The following XPNPEP3 variants were observed in gnomAD, a reference collection of about 807,000 sequenced individuals.
The protein encoded by XPNPEP3 is X-prolyl aminopeptidase 3.
XPNPEP3 carries 41 observed loss-of-function variants against 60.0 expected under a neutral mutation model. The ratio of observed to expected loss-of-function variants is 0.68; its 90% CI spans 0.53 to 0.89. The LOEUF is 0.89. Among genes scored for constraint, XPNPEP3 ranks in the 40% least tolerant of loss-of-function variants. The pLI is 0.00. For missense variants in XPNPEP3, 598 were observed against 638.9 expected (o/e 0.94, Z 0.69); for synonymous variants, 212 against 223.2 (o/e 0.95, Z 0.45).
Position 40,863,791 on chromosome 22 carries a change from C to T in XPNPEP3, c.65-5208C>T, listed in dbSNP as rs550415489. 5.0e-4 allele frequency among the ~76,000 whole-genome samples: 76 copies of T among 152,310 alleles called. 1 individual carries two copies. In the South Asian group the frequency reaches 0.015, roughly 30 times the overall value. On this transcript the variant is annotated intron_variant, in intron 1 of 9. Coordinates refer to ENST00000357137, the MANE Select transcript of XPNPEP3 (RefSeq NM_022098.4). ...TATTTTATGCCCATAAGAAAACAGA[C>T]GTTCTGAGAGAGAAAGTAATTTGTC...
chr22:40,915,624 A>G (rs1281739875), intron 7 of XPNPEP3, among the ~76,000 whole-genome samples: 1 of 152,140 alleles, frequency 6.6e-6, no homozygotes, highest in Non-Finnish European at 1.5e-5. Context: ...ACATTGCCCA[A>G]TGCACATAGC....
At chr22:40,858,304 G>T (rs1009351914) in intron 1 of XPNPEP3, among the ~76,000 whole-genome samples, 4 of 139,050 alleles carry the variant, frequency 2.9e-5, no homozygotes, top group African/African-American at 1.3e-4. Flanking sequence ...ACCAGGTTTT[G>T]CCACGTTGGC....
chr22:40,875,850 TAAA>T (rs768463487), intron 2 of XPNPEP3, among the ~76,000 whole-genome samples: 9 of 119,486 alleles, frequency 7.5e-5, no homozygotes, highest in Admixed American at 2.6e-4. Flanking sequence ...CCACCTCTAC[TAAA>T]AAAAAAAAAA....
intron 1 of XPNPEP3, among the ~76,000 whole-genome samples, chr22:40,865,876 C>T (rs1256249488): frequency 6.6e-6 from 1 of 152,172 alleles, no homozygotes; most frequent in Non-Finnish European, 1.5e-5. Context: ...TTCTCCTGTG[C>T]TCTTTCTCAC....
intron 1 of XPNPEP3, chr22:40,861,417 A>G (rs1159945555): frequency 6.2e-7 from 1 of 1,613,668 alleles, no homozygotes; most frequent in Non-Finnish European, 8.5e-7. Flanking sequence ...GCCATTAACG[A>G]TTTTGTCTGA....
At chr22:40,869,260 G>A in intron 2 of XPNPEP3, 145 bp downstream of exon 2, 1 of 679,064 alleles carries the variant, frequency 1.5e-6, no homozygotes, top group Non-Finnish European at 2.7e-6. Context: ...CACTAATAAG[G>A]TTGCTAGTAC....
At chr22:40,883,473 C>T (rs949309806) in intron 3 of XPNPEP3, among the ~76,000 whole-genome samples, 1 of 152,114 alleles carries the variant, frequency 6.6e-6, no homozygotes, top group Non-Finnish European at 1.5e-5. Flanking sequence ...AGTCTTCCTG[C>T]CTCAGCCTCC....
In XPNPEP3 at chr22:40,929,658, C is replaced by A. The variant is rs1444163397; in HGVS notation, c.*3223C>A. 1 of 152,152 alleles carries A rather than the reference C, an allele frequency of 6.6e-6. No homozygotes were observed. The highest frequency in any genetic ancestry group is 2.4e-5 in the African/African-American group (1 of 41,414). 9.4% of individuals were successfully genotyped at this position (152,152 alleles called of 1,614,324 possible). On this transcript the variant is annotated 3_prime_UTR_variant, in exon 10 of 10. Coordinates refer to ENST00000357137, the MANE Select transcript of XPNPEP3 (RefSeq NM_022098.4). ...TAGAATTCTTCTGGTGATTTTCAGTCCCTGACCCAGGTATATTGTCCTTTG... is the reference window on the plus strand; with the variant it reads ...TAGAATTCTTCTGGTGATTTTCAGTACCTGACCCAGGTATATTGTCCTTTG...
intron 2 of XPNPEP3, among the ~76,000 whole-genome samples, chr22:40,872,027 T>C (rs2058007932): frequency 6.6e-6 from 1 of 152,196 alleles, no homozygotes; most frequent in Admixed American, 6.5e-5. Context: ...AGTGAGACTT[T>C]GTCTCAAAAA....
intron 2 of XPNPEP3, among the ~76,000 whole-genome samples, chr22:40,875,934 C>T (rs2058026172): frequency 6.6e-6 from 1 of 151,812 alleles, no homozygotes; most frequent in African/African-American, 2.4e-5. Context: ...GCATGAGAAT[C>T]ACTTGAACCC....
chr22:40,879,640 G>A lies in XPNPEP3; in HGVS notation c.182-2130G>A, dbSNP rs189749095. On this transcript the variant is annotated intron_variant, in intron 2 of 9. Coordinates refer to ENST00000357137, the MANE Select transcript of XPNPEP3 (RefSeq NM_022098.4). The stretch of plus-strand genomic sequence containing the variant: ...GCAGATCATTTGAGGTCAGGAGTTC[G>A]AAACCAGCCTGGACAACATGGTGAA... Among the ~76,000 whole-genome samples, 955 of 152,104 alleles carry A rather than the reference G, an allele frequency of 6.3e-3. 4 individuals are homozygous for A. The highest frequency in any genetic ancestry group is 8.8e-3 in the Non-Finnish European group (597 of 67,984).
Position 40,922,375 on chromosome 22 carries a change from G to C in XPNPEP3, c.1098G>C (p.Glu366Asp). The C allele has an allele frequency of 1.9e-6, 3 of 1,613,832 alleles. No individual in the cohort carries two copies. The South Asian group carries it at 3.3e-5, about 18-fold the overall frequency. The change falls in exon 8 of 10, where the codon GAG becomes GAC. Residue 366 changes from glutamate to aspartate, a missense_variant. By Grantham distance (45) the Glu-to-Asp change is conservative (BLOSUM62 2). Transcript: ENST00000357137. ...PQAELYEAVLEIQRDCLALCF... is the reference protein window; with the variant it reads ...PQAELYEAVLDIQRDCLALCF... The stretch of plus-strand genomic sequence containing the variant: ...CAGAACTCTATGAAGCCGTTCTAGA[G>C]ATCCAAAGAGATTGTTTGGCCCTCT...
chr22:40,871,089 A>G (rs917460706), intron 2 of XPNPEP3, among the ~76,000 whole-genome samples: 2 of 152,198 alleles, frequency 1.3e-5, no homozygotes, highest in African/African-American at 4.8e-5. Flanking sequence ...TAGGCCAGGT[A>G]CAGTGGCTCA....
At position 40,886,382 on chromosome 22, in the gene XPNPEP3, A is replaced by G; in HGVS notation, c.659A>G (p.Gln220Arg). ...SHAQLHSDYMQPLTEAKAKSK... is the reference protein window; with the variant it reads ...SHAQLHSDYMRPLTEAKAKSK... ...GCACAGCTTCACTCTGACTATATGC[A>G]GCCCCTGACTGAGGCCAAAGCCAAG... Residue 220 changes from glutamine to arginine, a missense_variant, in exon 4 of 10, where the codon CAG (glutamine) becomes CGG (arginine). Physicochemically the swap from Gln to Arg is conservative, Grantham distance 43. Coordinates refer to ENST00000357137, the MANE Select transcript of XPNPEP3 (RefSeq NM_022098.4). 6.2e-7 allele frequency: 1 copy of G among 1,614,158 alleles called. No homozygotes were observed. The highest frequency in any genetic ancestry group is 8.5e-7 in the Non-Finnish European group (1 of 1,180,030).
chr22:40,910,562 C>T (rs1001799011), intron 6 of XPNPEP3, among the ~76,000 whole-genome samples: 1 of 151,814 alleles, frequency 6.6e-6, no homozygotes, highest in African/African-American at 2.4e-5. Context: ...AAAAATGAAC[C>T]AGGCGTGATG....
intron 2 of XPNPEP3, among the ~76,000 whole-genome samples, chr22:40,871,777 G>A (rs1218493865): frequency 6.6e-6 from 1 of 152,158 alleles, no homozygotes; most frequent in East Asian, 1.9e-4. Flanking sequence ...GCTCACACCT[G>A]TAATCCCAGC....
chr22:40,860,995 A>G (rs939510828), intron 1 of XPNPEP3: 201 of 1,412,680 alleles, frequency 1.4e-4, no homozygotes, highest in Non-Finnish European at 1.8e-4. Context: ...ATTAAGTGTT[A>G]TCTACAAAAT....
At chr22:40,906,544 G>C (rs1175489843) in intron 4 of XPNPEP3, among the ~76,000 whole-genome samples, 1 of 152,092 alleles carries the variant, frequency 6.6e-6, no homozygotes, top group Non-Finnish European at 1.5e-5. Flanking sequence ...GAGCATTTTG[G>C]TAGTGTCCTG....
chr22:40,925,654 T>G (rs1030700701), intron 9 of XPNPEP3, among the ~76,000 whole-genome samples: 1 of 152,206 alleles, frequency 6.6e-6, no homozygotes, highest in Non-Finnish European at 1.5e-5. Context: ...TCTAACTTCA[T>G]GATTAGAAAG....
Sources: allele counts gnomAD v4.1 joint callset (sites outside exome capture counted in the v4.1 genomes callset), GRCh38; gene constraint gnomAD v4.1.1; transcripts MANE v1.5; gene names NCBI Gene and HGNC (gene_info 2026-07-23, HGNC 2026-07-21).